The following TECTA variants were observed in gnomAD, a reference collection of about 807,000 sequenced individuals.
TECTA encodes alpha-tectorin.
In TECTA, 128 loss-of-function variants were observed where a neutral mutation model predicts 216.8. The observed-to-expected ratio is 0.59, with a 90% confidence interval of 0.51 to 0.68. The LOEUF (loss-of-function observed/expected upper bound fraction) is 0.68. TECTA is among the 30% of genes least tolerant of loss of function. The pLI, the probability that TECTA is intolerant of heterozygous loss-of-function variation, is 0.00. For synonymous variants in TECTA, 1,089 were observed against 1,117.1 expected, an observed-to-expected ratio of 0.97 and a Z score of 0.50; for missense variants, 2,551 against 2,786.2, an observed-to-expected ratio of 0.92 and a Z score of 1.90.
chr11:121,165,636 A>C (rs1039705747), intron 17 of TECTA, among the ~76,000 whole-genome samples: 1 of 152,248 alleles, frequency 6.6e-6, no homozygotes, highest in Non-Finnish European at 1.5e-5. Flanking sequence ...TCAACATCAG[A>C]AAGGTCCAAA....
chr11:121,155,128 C>T (rs143830748), intron 13 of TECTA, among the ~76,000 whole-genome samples: 7 of 152,246 alleles, frequency 4.6e-5, no homozygotes, highest in Non-Finnish European at 5.9e-5. Flanking sequence ...CAAATTTCTT[C>T]GGAAATGAAT....
At chr11:121,150,316 T>C (rs1209155052) in intron 12 of TECTA, among the ~76,000 whole-genome samples, 2 of 152,240 alleles carry the variant, frequency 1.3e-5, no homozygotes, top group African/African-American at 4.8e-5. Flanking sequence ...TGGGAAAAGC[T>C]AAATCCTTCC....
intron 11 of TECTA, among the ~76,000 whole-genome samples, chr11:121,143,677 A>G (rs1000830733): frequency 6.6e-6 from 1 of 152,242 alleles, no homozygotes; most frequent in African/African-American, 2.4e-5. Flanking sequence ...GGATGAATGT[A>G]TGAATTCTGC....
chr11:121,119,010 C>CACACAA, intron 7 of TECTA, among the ~76,000 whole-genome samples: 1 of 93,318 alleles, frequency 1.1e-5, no homozygotes, highest in Non-Finnish European at 2.1e-5. Context: ...CACACACACA[C>CACACAA]ACACACACAC....
rs615697 is a variant in TECTA at position 121,166,845 on chromosome 11, T to C, written c.5586+65T>C. 0.21 allele frequency: 338,770 copies of C among 1,592,438 alleles called. 41,044 individuals carry two copies. The highest frequency in any genetic ancestry group is 0.49 in the African/African-American group (36,759 of 74,722). On this transcript the variant is annotated intron_variant, in intron 18 of 23. Coordinates refer to ENST00000392793, the MANE Select transcript of TECTA (RefSeq NM_005422.4). The stretch of plus-strand genomic sequence containing the variant: ...CGACAGCTTCGAGTGTTTGCACATT[T>C]ATTGTCCTGAAAACCAACTTCAGGG...
intron 20 of TECTA, among the ~76,000 whole-genome samples, chr11:121,176,995 G>T (rs1001559775): frequency 1.3e-5 from 2 of 152,038 alleles, no homozygotes; most frequent in Non-Finnish European, 2.9e-5. Context: ...CATTCTTCAC[G>T]TAGTTCTTGA....
chr11:121,163,942 A>G (rs679607), intron 16 of TECTA, among the ~76,000 whole-genome samples: 70,472 of 152,122 alleles, frequency 0.46, 19,164 homozygotes, highest in African/African-American at 0.76. Context: ...TTTATAAAAG[A>G]GAGCTTTTTG....
chr11:121,124,974 G>C (rs1455651954), intron 7 of TECTA, among the ~76,000 whole-genome samples: 8 of 152,218 alleles, frequency 5.3e-5, no homozygotes, highest in Non-Finnish European at 1.2e-4. Context: ...GAGGTGACTG[G>C]TCTTTGAAGA....
chr11:121,120,783 T>C (rs1344125609), intron 7 of TECTA, among the ~76,000 whole-genome samples: 1 of 152,240 alleles, frequency 6.6e-6, no homozygotes. Flanking sequence ...AGTTCTCATC[T>C]TTCTTCCCCG....
chr11:121,102,903 G>T (rs1946359720), intron 2 of TECTA, among the ~76,000 whole-genome samples, 174 bp downstream of exon 2: 1 of 152,266 alleles, frequency 6.6e-6, no homozygotes, highest in Middle Eastern at 3.4e-3. Context: ...TTTAAATGAG[G>T]TTTACTTATA....
Position 121,145,910 on chromosome 11 carries a change from T to C in TECTA, c.3899T>C (p.Leu1300Pro). Residue 1300 changes from leucine to proline, a missense_variant, in exon 12 of 24, where the codon CTG (leucine) becomes CCG (proline). By Grantham distance (98) the Leu-to-Pro change is moderately conservative (BLOSUM62 -3). Around this residue, in one of 3 missense-constraint regions of TECTA, gnomAD observed 2,375 missense variants for 2,563.9 expected, o/e 0.93. Transcript: ENST00000392793. ...GAAGGTTTCTCCAAAGTGCAGCAGCTGTGCAGCCTGATCCCCAACCAGAAC... is the reference window on the plus strand; with the variant it reads ...GAAGGTTTCTCCAAAGTGCAGCAGCCGTGCAGCCTGATCCCCAACCAGAAC... ...KVEGFSKVQQLCSLIPNQNAA... is the reference protein window; with the variant it reads ...KVEGFSKVQQPCSLIPNQNAA... 2 of 1,614,260 alleles carry C rather than the reference T, an allele frequency of 1.2e-6. No individual in the cohort carries two copies. Among genetic ancestry groups the C allele is most frequent in the Non-Finnish European group, 1.7e-6 (2 of 1,180,042 alleles).
chr11:121,118,289 A>T lies in TECTA; in HGVS notation c.791-17A>T. On this transcript the variant is annotated splice_polypyrimidine_tract_variant and intron_variant, in intron 6 of 23. Coordinates refer to ENST00000392793, the MANE Select transcript of TECTA (RefSeq NM_005422.4). ...AAATGCTCAGTAAATGTTGGCTCTA[A>T]TGTCATTATTCCCCAGGACAATTCC... 1 of 1,613,974 alleles carries T rather than the reference A, an allele frequency of 6.2e-7. No individual in the cohort carries two copies. Among genetic ancestry groups the T allele is most frequent in the African/African-American group, 1.3e-5 (1 of 75,034 alleles).
rs958774158 is a variant in TECTA, at chr11:121,181,000, TA to T, written c.6000-6831del. ...GGCTAACACAGTGAAACCCTGTCTC[TA>T]CTAAAAATACAAAAAATTAGCCAGG... On this transcript the variant is annotated intron_variant, in intron 20 of 23. Coordinates refer to ENST00000392793, the MANE Select transcript of TECTA (RefSeq NM_005422.4). 2.6e-5 allele frequency among the ~76,000 whole-genome samples: 4 copies of T among 152,106 alleles called. 1 individual carries two copies. The highest frequency in any genetic ancestry group is 6.8e-3 in the Middle Eastern group (2 of 294).
chr11:121,127,997 C>T lies in TECTA; in HGVS notation c.2020C>T (p.Gln674Ter). 6.2e-7 allele frequency: 1 copy of T among 1,614,034 alleles called. No individual in the cohort carries two copies. Among genetic ancestry groups the T allele is most frequent in the Non-Finnish European group, 8.5e-7 (1 of 1,180,030 alleles). ...FFWATANCTV[Q>*]CLCEEGGDVY... Reference sequence around the variant, plus strand: ...CTGGGCCACGGCCAACTGCACTGTGCAATGCCTGTGCGAGGAGGGCGGGGA... The same window carrying T: ...CTGGGCCACGGCCAACTGCACTGTGTAATGCCTGTGCGAGGAGGGCGGGGA... Residue 674 changes from glutamine (Q) to a stop codon, truncating the protein, a stop_gained, in exon 9 of 24, where the codon CAA (glutamine) becomes TAA (stop). Transcript: ENST00000392793. LOFTEE classifies it high-confidence loss of function. The surrounding 1 kb of genome is among the most constrained non-coding windows in gnomAD (Gnocchi z 5.0).
At chr11:121,131,562 A>G (rs1477041485) in intron 10 of TECTA, among the ~76,000 whole-genome samples, 3 of 152,224 alleles carry the variant, frequency 2.0e-5, no homozygotes, top group Non-Finnish European at 4.4e-5. Flanking sequence ...CCATTGATAC[A>G]ATACTATTAT....
chr11:121,126,018 T>C, intron 8 of TECTA, 146 bp downstream of exon 8: 1 of 1,002,588 alleles, frequency 1.0e-6, no homozygotes, highest in Non-Finnish European at 1.5e-6. Flanking sequence ...AAAGAACGAA[T>C]TGTGAAAGGA....
intron 10 of TECTA, among the ~76,000 whole-genome samples, chr11:121,136,330 G>A (rs1471133274): frequency 6.6e-6 from 1 of 152,110 alleles, no homozygotes; most frequent in African/African-American, 2.4e-5. Flanking sequence ...TGAAGGATGG[G>A]TGGGACTTGG....
At position 121,109,560 on chromosome 11, in the gene TECTA, C is replaced by T. The variant is rs56275798; in HGVS notation, c.486+62C>T. Reference sequence around the variant, plus strand: ...CTGACATCTAATTCTTGTCCATCTTCGCTACCACGAAGGAGTCTAATTATT... The same window carrying T: ...CTGACATCTAATTCTTGTCCATCTTTGCTACCACGAAGGAGTCTAATTATT... On this transcript the variant is annotated intron_variant, in intron 4 of 23. Coordinates refer to ENST00000392793, the MANE Select transcript of TECTA (RefSeq NM_005422.4). The T allele has an allele frequency of 1.7e-3, 2,698 of 1,593,440 alleles. 3 individuals are homozygous for T. Among genetic ancestry groups the T allele is most frequent in the Non-Finnish European group, 2.1e-3 (2,458 of 1,163,410 alleles).
Position 121,191,251 on chromosome 11 carries a change from G to A in TECTA, c.*445G>A, listed in dbSNP as rs935380218. On this transcript the variant is annotated 3_prime_UTR_variant, in exon 24 of 24. Coordinates refer to ENST00000392793, the MANE Select transcript of TECTA (RefSeq NM_005422.4). ...GGTTTGACTCCCTCTAAGGAATCTT[G>A]CTGGTGTTTGGAAGTGTCCGATCTA... 2 of 269,736 alleles carry A rather than the reference G, an allele frequency of 7.4e-6. No homozygotes were observed. The highest frequency in any genetic ancestry group is 2.2e-5 in the African/African-American group (1 of 44,988). The allele number at this position is 269,736 out of a possible 1,614,324, so 16.7% of individuals were successfully genotyped here.
Sources: gnomAD v4.1 joint callset for allele counts (sites outside exome capture counted in the v4.1 genomes callset) on GRCh38, gnomAD v4.1.1 for gene constraint, gnomAD v4.1.1 regional missense constraint, Gnocchi (gnomAD v3.1) non-coding constraint, MANE v1.5 for transcripts, NCBI Gene and HGNC (gene_info 2026-07-23, HGNC 2026-07-21) for gene names.